TPO: variants seen among roughly 807,000 people sequenced by gnomAD.
TPO encodes the protein thyroid peroxidase.
In TPO, 78 loss-of-function variants were observed where a neutral mutation model predicts 96.9. That is an observed-to-expected ratio of 0.81 (90% CI 0.67 to 0.97). The LOEUF is 0.97. Ranked by LOEUF, TPO falls within the 50% of genes least tolerant of loss-of-function variation. The pLI, the probability that TPO is intolerant of heterozygous loss-of-function variation, is 0.00. For missense variants in TPO, 1,252 were observed against 1,274.8 expected, an observed-to-expected ratio of 0.98 and a Z score of 0.27; for synonymous variants, 547 against 538.0, an observed-to-expected ratio of 1.02 and a Z score of -0.23.
At chr2:1,528,631 C>T (rs7369268) in intron 15 of TPO, among the ~76,000 whole-genome samples, 1 of 126,548 alleles carries the variant, frequency 7.9e-6, no homozygotes. Context: ...CCCCAAATCC[C>T]CCCCACTGTG....
At position 1,444,090 on chromosome 2, in the gene TPO, A is replaced by G. The variant is rs12986996; in HGVS notation, c.482+7706A>G. ...TCATTGCTGCGGGAGGCACCATGTTAGAAGGGAATGGGGCAGGCTCCTTCT... is the reference window on the plus strand; with the variant it reads ...TCATTGCTGCGGGAGGCACCATGTTGGAAGGGAATGGGGCAGGCTCCTTCT... On this transcript the variant is annotated intron_variant, in intron 5 of 16. Coordinates refer to ENST00000329066, the MANE Select transcript of TPO (RefSeq NM_001206744.2). Among the ~76,000 whole-genome samples the G allele has an allele frequency of 3.4e-3, 265 of 77,976 alleles. No individual in the cohort carries two copies. In the Middle Eastern group the frequency reaches 0.047, roughly 14 times the overall value. The allele number at this position is 77,976 out of a possible 152,430, so 51.2% of individuals were successfully genotyped here. A position where few individuals can be genotyped will look rare whatever the true frequency, so the allele number is the denominator to read the frequency against.
chr2:1,481,472 TC>T (rs1263988059), intron 8 of TPO, among the ~76,000 whole-genome samples: 1 of 152,064 alleles, frequency 6.6e-6, no homozygotes, highest in East Asian at 1.9e-4. Context: ...AGCCTTGATT[TC>T]CCCAGATATC....
chr2:1,537,819 C>A (rs906188017), intron 15 of TPO, among the ~76,000 whole-genome samples: 4 of 91,556 alleles, frequency 4.4e-5, no homozygotes, highest in African/African-American at 1.7e-4. Flanking sequence ...AATCCCCCCA[C>A]TGTGAGCAAC....
chr2:1,474,955 C>G (rs567278454), intron 7 of TPO, among the ~76,000 whole-genome samples: 1 of 152,302 alleles, frequency 6.6e-6, no homozygotes, highest in African/African-American at 2.4e-5. Context: ...TGTTACTTAA[C>G]TAAATTCTTA....
intron 15 of TPO, among the ~76,000 whole-genome samples, chr2:1,523,534 A>C (rs1573535767): frequency 1.7e-4 from 7 of 40,540 alleles, no homozygotes; most frequent in Admixed American, 3.4e-4. Context: ...AATCCCCCCC[A>C]CTCTGAGCAA....
chr2:1,526,856 T>C (rs1573562591), intron 15 of TPO, among the ~76,000 whole-genome samples: 1 of 91,130 alleles, frequency 1.1e-5, no homozygotes, highest in Admixed American at 1.5e-4. Context: ...CTGTGCAACC[T>C]CCCCAAATCC....
At chr2:1,458,770 C>G (rs1014634039) in intron 7 of TPO, among the ~76,000 whole-genome samples, 15 of 152,198 alleles carry the variant, frequency 9.9e-5, no homozygotes, top group African/African-American at 3.4e-4. Flanking sequence ...TACATGTCTG[C>G]TTAACATTAA....
rs1672053412 is a variant in TPO at position 1,493,842 on chromosome 2, G to A, written c.1809G>A (p.Leu603=). Residue 603 remains leucine (L), a synonymous_variant, in exon 11 of 17, where the codon CTG becomes CTA. Coordinates refer to ENST00000329066, the MANE Select transcript of TPO (RefSeq NM_001206744.2). ...EWREFCGLPR[L]ETPADLSTAI... ...GGGAGTTCTGCGGCCTGCCTCGCCTGGAGACCCCCGCTGACCTGAGCACAG... is the reference window on the plus strand; with the variant it reads ...GGGAGTTCTGCGGCCTGCCTCGCCTAGAGACCCCCGCTGACCTGAGCACAG... The A allele has an allele frequency of 6.2e-7, 1 of 1,614,022 alleles. No individual in the cohort carries two copies. The highest frequency in any genetic ancestry group is 1.7e-5 in the Admixed American group (1 of 59,996).
At chr2:1,385,442 A>G (rs1231112585) in intron 1 of TPO, among the ~76,000 whole-genome samples, 2 of 151,998 alleles carry the variant, frequency 1.3e-5, no homozygotes, top group Non-Finnish European at 2.9e-5. Context: ...TCTTGGGAGA[A>G]TGTGTGTGTC....
chr2:1,467,293 T>C (rs1668992260), intron 7 of TPO, among the ~76,000 whole-genome samples: 1 of 151,980 alleles, frequency 6.6e-6, no homozygotes, highest in Non-Finnish European at 1.5e-5. Context: ...TTAGTAGAGA[T>C]TGGGTTTCAC....
At chr2:1,386,075 A>C (rs1661889389) in intron 1 of TPO, among the ~76,000 whole-genome samples, 1 of 152,104 alleles carries the variant, frequency 6.6e-6, no homozygotes, top group Non-Finnish European at 1.5e-5. Context: ...ATGGTCTGAG[A>C]GACAGTTTAT....
chr2:1,475,737 C>T (rs981112657), intron 7 of TPO, among the ~76,000 whole-genome samples: 3 of 152,346 alleles, frequency 2.0e-5, no homozygotes, highest in East Asian at 3.9e-4. Context: ...CAGGCGTGAG[C>T]CCCCGCGCCC....
intron 1 of TPO, among the ~76,000 whole-genome samples, chr2:1,405,707 C>T (rs2148381529): frequency 6.6e-6 from 1 of 152,320 alleles, no homozygotes; most frequent in African/African-American, 2.4e-5. Flanking sequence ...AAATTAATTG[C>T]TTCTTTATCT....
At chr2:1,525,377 A>ACCT (rs1676201024) in intron 15 of TPO, among the ~76,000 whole-genome samples, 1 of 93,788 alleles carries the variant, frequency 1.1e-5, no homozygotes. Context: ...TGTGAGCAAA[A>ACCT]CCACAAATCC....
chr2:1,473,198 C>T (rs766211471), intron 7 of TPO, among the ~76,000 whole-genome samples: 4 of 152,170 alleles, frequency 2.6e-5, no homozygotes, highest in Non-Finnish European at 5.9e-5. Flanking sequence ...CTCCTTTGCT[C>T]GAAGTCGACA....
chr2:1,532,141 C>T (rs1320492481), intron 15 of TPO, among the ~76,000 whole-genome samples: 3 of 129,304 alleles, frequency 2.3e-5, no homozygotes, highest in Non-Finnish European at 3.2e-5. Flanking sequence ...TCCTCTAATC[C>T]CCTCACTGTG....
At position 1,456,150 on chromosome 2, in the gene TPO, C is replaced by T. The variant is rs534126529; in HGVS notation, c.687C>T (p.Leu229=). 1.9e-5 allele frequency: 30 copies of T among 1,614,104 alleles called. No homozygotes were observed. The East Asian group carries it at 5.1e-4, about 28-fold the overall frequency. ...CAGATGATGACCGCTATTCTGACCT[C>T]CTGATGGCATGGGGACAATACATCG... is the stretch of plus-strand genomic sequence containing the variant. ...VVTDDDRYSD[L]LMAWGQYIDH... Residue 229 remains leucine (L), a synonymous_variant, in exon 7 of 17, where the codon CTC becomes CTT. Coordinates refer to ENST00000329066, the MANE Select transcript of TPO (RefSeq NM_001206744.2).
chr2:1,475,367 G>A (rs533466513), intron 7 of TPO, among the ~76,000 whole-genome samples: 3 of 150,722 alleles, frequency 2.0e-5, no homozygotes, highest in African/African-American at 7.3e-5. Context: ...TACTCACCTC[G>A]TCTACTCTAA....
At chr2:1,398,954 G>T (rs1275378830) in intron 1 of TPO, among the ~76,000 whole-genome samples, 4 of 152,204 alleles carry the variant, frequency 2.6e-5, no homozygotes, top group Non-Finnish European at 5.9e-5. Flanking sequence ...AGGAGGCTGG[G>T]CTCTCCCTGC....
Sources: allele counts gnomAD v4.1 joint callset (sites outside exome capture counted in the v4.1 genomes callset), GRCh38; gene constraint gnomAD v4.1.1; transcripts MANE v1.5; gene names NCBI Gene and HGNC (gene_info 2026-07-23, HGNC 2026-07-21).